The following LRRC37A2 variants were observed in gnomAD, a reference collection of about 807,000 sequenced individuals.
LRRC37A2 encodes leucine-rich repeat-containing protein 37A2.
Under a neutral mutation model 68.8 loss-of-function variants are expected in LRRC37A2, and 9 were observed. The ratio of observed to expected loss-of-function variants is 0.13; its 90% CI spans 0.08 to 0.23. LRRC37A2 has a LOEUF of 0.23. Among genes scored for constraint, LRRC37A2 ranks in the 10% least tolerant of loss-of-function variants. LRRC37A2 has a pLI of 1.00. For missense variants in LRRC37A2, 168 were observed against 950.4 expected, an observed-to-expected ratio of 0.18 and a Z score of 10.82; for synonymous variants, 63 against 367.6, an observed-to-expected ratio of 0.17 and a Z score of 9.48.
the LRRC37A2 span, chr17:46,934,905 C>A: frequency 1.2e-6 from 1 of 840,716 alleles, no homozygotes; most frequent in Non-Finnish European, 2.0e-6. Flanking sequence ...CCATTAGGGT[C>A]CGCTGATTCT....
At chr17:46,953,047 T>A in the LRRC37A2 span, among the ~76,000 whole-genome samples, 5 of 152,066 alleles carry the variant, frequency 3.3e-5, no homozygotes, top group African/African-American at 7.2e-5. Flanking sequence ...TTTTTATTTT[T>A]TTATTTTATT....
the LRRC37A2 span, among the ~76,000 whole-genome samples, chr17:46,845,432 G>A: frequency 2.0e-5 from 3 of 151,082 alleles, no homozygotes; most frequent in Non-Finnish European, 4.4e-5. Flanking sequence ...GGACATATAT[G>A]TCACCTGACA....
the LRRC37A2 span, among the ~76,000 whole-genome samples, chr17:46,828,878 C>T: frequency 6.9e-6 from 1 of 144,524 alleles, no homozygotes; most frequent in African/African-American, 2.4e-5. Context: ...TGGAGAATCG[C>T]TTGAGCCCAA....
chr17:46,817,033 G>T, the LRRC37A2 span, among the ~76,000 whole-genome samples: 2 of 152,188 alleles, frequency 1.3e-5, no homozygotes, highest in African/African-American at 4.8e-5. Flanking sequence ...AAAAGTGTGG[G>T]TTGGGCAGAA....
the LRRC37A2 span, chr17:46,932,093 T>G: frequency 1.2e-6 from 2 of 1,613,596 alleles, no homozygotes; most frequent in Non-Finnish European, 1.7e-6. Flanking sequence ...AAGTATGATG[T>G]CCAGCACCTG....
At chr17:46,602,773 G>GAATA in the LRRC37A2 span, among the ~76,000 whole-genome samples, 1 of 146,976 alleles carries the variant, frequency 6.8e-6, no homozygotes, top group Non-Finnish European at 1.5e-5. Flanking sequence ...TTCTCCTAGA[G>GAATA]AATAATATTG....
chr17:46,952,722 G>C, the LRRC37A2 span: 2 of 152,166 alleles, frequency 1.3e-5, no homozygotes, highest in Non-Finnish European at 2.9e-5. Context: ...CAGAGAGAGA[G>C]ACAGAGAAAG....
the LRRC37A2 span, chr17:46,932,412 G>C: frequency 4.8e-6 from 3 of 619,566 alleles, no homozygotes; most frequent in Non-Finnish European, 8.5e-6. Flanking sequence ...AGAGGAAGCA[G>C]TTAAATTGAA....
the LRRC37A2 span, among the ~76,000 whole-genome samples, chr17:46,747,476 C>T: frequency 3.3e-5 from 5 of 151,994 alleles, no homozygotes; most frequent in South Asian, 4.2e-4. Context: ...GATGAGGTTT[C>T]GCCATGTTAC....
chr17:46,545,009 T>A (rs1367550278), intron 8 of LRRC37A2, among the ~76,000 whole-genome samples: 2 of 140,080 alleles, frequency 1.4e-5, no homozygotes, highest in Non-Finnish European at 3.1e-5. Flanking sequence ...TTCCTCATGA[T>A]GAAATTCAAG....
At chr17:46,896,004 C>T in the LRRC37A2 span, among the ~76,000 whole-genome samples, 3 of 151,954 alleles carry the variant, frequency 2.0e-5, no homozygotes, top group East Asian at 1.9e-4. Context: ...CCAGGCTGGG[C>T]GCAGTGGCTC....
the LRRC37A2 span, among the ~76,000 whole-genome samples, chr17:46,899,138 G>C: frequency 3.9e-5 from 6 of 152,134 alleles, no homozygotes; most frequent in African/African-American, 1.4e-4. Flanking sequence ...ACTCATAATC[G>C]CAGCACTATG....
chr17:46,857,576 G>A, the LRRC37A2 span, among the ~76,000 whole-genome samples: 2 of 151,950 alleles, frequency 1.3e-5, no homozygotes, highest in Admixed American at 6.5e-5. Flanking sequence ...TTTTGTGGGT[G>A]TATGTTTTCA....
the LRRC37A2 span, among the ~76,000 whole-genome samples, chr17:46,609,827 C>CTTT: frequency 6.5e-5 from 8 of 123,326 alleles, no homozygotes; most frequent in East Asian, 6.4e-4. Flanking sequence ...CTCACTGTTT[C>CTTT]TTTTTTTTTT....
chr17:46,729,825 A>C, the LRRC37A2 span, among the ~76,000 whole-genome samples: 1 of 152,204 alleles, frequency 6.6e-6, no homozygotes, highest in African/African-American at 2.4e-5. Context: ...TTTTGCACTT[A>C]AAAGTAAATG....
the LRRC37A2 span, among the ~76,000 whole-genome samples, chr17:46,492,921 C>G: frequency 1.3e-5 from 2 of 149,884 alleles, no homozygotes; most frequent in African/African-American, 2.5e-5. Context: ...GTCTCGATAT[C>G]CTGACCTCGT....
the LRRC37A2 span, among the ~76,000 whole-genome samples, chr17:46,987,736 T>C: frequency 6.6e-6 from 1 of 152,182 alleles, no homozygotes; most frequent in African/African-American, 2.4e-5. Context: ...CAGCTATTTA[T>C]CACTAGATGA....
chr17:46,874,999 CA>C, the LRRC37A2 span: 9 of 1,580,998 alleles, frequency 5.7e-6, no homozygotes, highest in Non-Finnish European at 7.8e-6. Flanking sequence ...GCGCTGCCAC[CA>C]CCGCCTCTGG....
At chr17:46,943,940 G>A in the LRRC37A2 span, among the ~76,000 whole-genome samples, 1 of 152,244 alleles carries the variant, frequency 6.6e-6, no homozygotes, top group Non-Finnish European at 1.5e-5. Context: ...CTAAAGGCTA[G>A]GACAGGCGTG....
Sources: gnomAD v4.1 joint callset for allele counts (sites outside exome capture counted in the v4.1 genomes callset) on GRCh38, gnomAD v4.1.1 for gene constraint, MANE v1.5 for transcripts, NCBI Gene and HGNC (gene_info 2026-07-23, HGNC 2026-07-21) for gene names.